The following RBM25 variants were observed in gnomAD, a reference collection of about 807,000 sequenced individuals.
RBM25 encodes the protein RNA-binding protein 25.
A neutral mutation model predicts 120.7 loss-of-function variants in RBM25; 19 were observed. The observed-to-expected ratio is 0.16, with a 90% CI of 0.11 to 0.23. The LOEUF (loss-of-function observed/expected upper bound fraction) is 0.23, where lower values mean the gene tolerates loss of function less well. RBM25 is among the 10% of genes least tolerant of loss of function. RBM25 has a pLI of 1.00. For missense variants in RBM25, 605 were observed against 1,041.5 expected, an observed-to-expected ratio of 0.58 and a Z score of 5.77; for synonymous variants, 390 against 326.7, an observed-to-expected ratio of 1.19 and a Z score of -2.09.
intron 2 of RBM25, among the ~76,000 whole-genome samples, chr14:73,072,994 A>AT (rs1230410983): frequency 6.6e-6 from 1 of 152,102 alleles, no homozygotes; most frequent in African/African-American, 2.4e-5. Flanking sequence ...TGGCACGATC[A>AT]TGGCTCACTG....
intron 4 of RBM25, among the ~76,000 whole-genome samples, chr14:73,079,687 C>T (rs1239610512): frequency 6.6e-6 from 1 of 150,586 alleles, no homozygotes; most frequent in Non-Finnish European, 1.5e-5. Flanking sequence ...GATTCTTGTT[C>T]CTCAACTATT....
chr14:73,068,004 C>T (rs1162810073), intron 1 of RBM25: 1 of 304,148 alleles, frequency 3.3e-6, no homozygotes, highest in Non-Finnish European at 6.3e-6. Flanking sequence ...TCTGAGTTGA[C>T]TGCCAGTTTC....
rs1297968663 is a variant in RBM25, at chr14:73,103,351, C to T, written c.1027C>T (p.Arg343Trp). Residue 343 changes from arginine to tryptophan, a missense_variant, in exon 10 of 19, where the codon CGG becomes TGG. Around this residue, in one of 4 missense-constraint regions of RBM25, gnomAD observed 465 missense variants for 741.6 expected, o/e 0.63. Transcript: ENST00000261973. ...ACGAGAAAAGGAGAAAGAACGGGAG[C>T]GGGAACGAGAACGGGATAGGGACCG... ...REREKEKERE[R>W]ERERDRDRDR... 3 of 1,600,790 alleles carry T rather than the reference C, an allele frequency of 1.9e-6. No individual in the cohort carries two copies. Among genetic ancestry groups the T allele is most frequent in the South Asian group, 1.1e-5 (1 of 89,364 alleles).
intron 6 of RBM25, among the ~76,000 whole-genome samples, chr14:73,089,138 T>G (rs1454227341): frequency 6.6e-6 from 1 of 151,916 alleles, no homozygotes; most frequent in Non-Finnish European, 1.5e-5. Flanking sequence ...TGAAACTCTG[T>G]CTCCCTGCTG....
chr14:73,096,696 G>A (rs558770597), intron 6 of RBM25, among the ~76,000 whole-genome samples: 1 of 151,992 alleles, frequency 6.6e-6, no homozygotes, highest in East Asian at 1.9e-4. Flanking sequence ...GAATTTTTTA[G>A]CTATTAAGAA....
At chr14:73,118,224 C>A (rs1896474506) in intron 18 of RBM25, among the ~76,000 whole-genome samples, 1 of 152,154 alleles carries the variant, frequency 6.6e-6, no homozygotes, top group Admixed American at 6.5e-5. Flanking sequence ...ACCTGTAATC[C>A]CAGCACTTTG....
chr14:73,114,277 C>T lies in RBM25; in HGVS notation c.2392-9C>T. On this transcript the variant is annotated splice_polypyrimidine_tract_variant and intron_variant, in intron 17 of 18. Transcript: ENST00000261973. ...TATTTTTAATGTGACAATTATTTTTCTCTTTTAGGTTATGGCTCATAGTTC... is the reference window on the plus strand; with the variant it reads ...TATTTTTAATGTGACAATTATTTTTTTCTTTTAGGTTATGGCTCATAGTTC... 1 of 1,517,570 alleles carries T rather than the reference C, an allele frequency of 6.6e-7. No individual in the cohort carries two copies. Among genetic ancestry groups the T allele is most frequent in the Non-Finnish European group, 8.8e-7 (1 of 1,130,564 alleles). 94.0% of individuals were successfully genotyped at this position (1,517,570 alleles called of 1,614,324 possible). A position where few individuals can be genotyped will look rare whatever the true frequency, so the allele number is the denominator to read the frequency against.
intron 18 of RBM25, among the ~76,000 whole-genome samples, chr14:73,115,978 C>G (rs1305205794): frequency 6.6e-6 from 1 of 152,028 alleles, no homozygotes; most frequent in Non-Finnish European, 1.5e-5. Context: ...GTTGCCAGAG[C>G]ACTCATTTAA....
intron 2 of RBM25, 151 bp downstream of exon 2, chr14:73,071,898 G>A: frequency 1.7e-6 from 1 of 605,416 alleles, no homozygotes; most frequent in Non-Finnish European, 2.8e-6. Context: ...TCCTATAGCA[G>A]TAGCTTTTAT....
In RBM25 at chr14:73,071,651, C is replaced by T. The variant is rs200962549; in HGVS notation, c.10C>T (p.Pro4Ser). MSFPPHLNRPPMGI... is the reference protein window; with the variant it reads MSFSPHLNRPPMGI... ...GACTGCTGCAGTAAGAATGTCTTTT[C>T]CACCTCATTTGAATCGCCCTCCCAT... The change falls in exon 2 of 19, where the codon CCA (proline) becomes TCA (serine). Residue 4 changes from proline (P) to serine (S), a missense_variant. Around this residue, in one of 4 missense-constraint regions of RBM25, gnomAD observed 90 missense variants for 107.3 expected, o/e 0.84. Coordinates refer to ENST00000261973, the MANE Select transcript of RBM25 (RefSeq NM_021239.3). The T allele has an allele frequency of 6.2e-7, 1 of 1,612,878 alleles. No individual in the cohort carries two copies. The highest frequency in any genetic ancestry group is 8.5e-7 in the Non-Finnish European group (1 of 1,179,026).
At chr14:73,103,935 C>A in intron 10 of RBM25, among the ~76,000 whole-genome samples, 1 of 47,282 alleles carries the variant, frequency 2.1e-5, no homozygotes, top group Non-Finnish European at 4.2e-5. Flanking sequence ...CTCTCTCTCT[C>A]TCTCTCTCTC....
In RBM25 at chr14:73,103,328, G is replaced by A. The variant is rs1161559478; in HGVS notation, c.1004G>A (p.Arg335Gln). The A allele has an allele frequency of 3.8e-6, 6 of 1,588,200 alleles. No individual in the cohort carries two copies. Among genetic ancestry groups the A allele is most frequent in the African/African-American group, 1.3e-5 (1 of 74,418 alleles). The change falls in exon 10 of 19, where the codon CGA becomes CAA. Residue 335 changes from arginine to glutamine, a missense_variant. Coordinates refer to ENST00000261973, the MANE Select transcript of RBM25 (RefSeq NM_021239.3). ...REREREREREREKEKERERER... is the reference protein window; with the variant it reads ...REREREREREQEKEKERERER... ...CGAGAAAGGGAAAGAGAACGTGAAC[G>A]AGAAAAGGAGAAAGAACGGGAGCGG...
At chr14:73,077,034 T>TTA (rs1456327472) in intron 3 of RBM25, among the ~76,000 whole-genome samples, 2 of 152,238 alleles carry the variant, frequency 1.3e-5, no homozygotes, top group East Asian at 3.8e-4. Context: ...TGAGCCGAGA[T>TTA]TATGCCACTG....
rs1895085972 is a variant in RBM25, at chr14:73,064,731, C to G, written c.-16+6026C>G. On this transcript the variant is annotated intron_variant, in intron 1 of 18. Transcript: ENST00000261973. The stretch of plus-strand genomic sequence containing the variant: ...TTAAAGGAATATCCATAAAAATTAG[C>G]TGTTAACTGGTATTTTTGCCTTCAC... 2.0e-5 allele frequency among the ~76,000 whole-genome samples: 3 copies of G among 151,148 alleles called. 1 individual carries two copies. The Admixed American group carries it at 2.0e-4, about 10-fold the overall frequency.
At chr14:73,103,502 T>G in intron 10 of RBM25, 24 bp downstream of exon 10, 1 of 1,544,274 alleles carries the variant, frequency 6.5e-7, no homozygotes, top group African/African-American at 1.4e-5. Flanking sequence ...GAAGTTACTG[T>G]TTCCTGATAG....
At chr14:73,085,536 C>T (rs1895665298) in intron 5 of RBM25, among the ~76,000 whole-genome samples, 1 of 150,842 alleles carries the variant, frequency 6.6e-6, no homozygotes, top group Non-Finnish European at 1.5e-5. Context: ...CCTCCGCCTC[C>T]TGGGTTCAAG....
rs372884283 is a variant in RBM25 at position 73,107,808 on chromosome 14, G to T, written c.1468-18G>T. On this transcript the variant is annotated intron_variant, in intron 12 of 18. Transcript: ENST00000261973. Reference sequence around the variant, plus strand: ...TACTTGTATGTTAATTTTATACATTGTCCTTATTTCCTCAAAGGCCAAAGA... The same window carrying T: ...TACTTGTATGTTAATTTTATACATTTTCCTTATTTCCTCAAAGGCCAAAGA... 3 of 1,529,728 alleles carry T rather than the reference G, an allele frequency of 2.0e-6. No individual in the cohort carries two copies. Among genetic ancestry groups the T allele is most frequent in the African/African-American group, 1.4e-5 (1 of 72,434 alleles). 94.8% of individuals were successfully genotyped at this position (1,529,728 alleles called of 1,614,324 possible).
At chr14:73,061,178 C>T (rs1386623869) in intron 1 of RBM25, among the ~76,000 whole-genome samples, 6 of 150,938 alleles carry the variant, frequency 4.0e-5, no homozygotes, top group Admixed American at 4.0e-4. Flanking sequence ...TTGCCTCATC[C>T]TCCATAGAAG....
intron 13 of RBM25, among the ~76,000 whole-genome samples, chr14:73,108,639 A>T (rs1240153054): frequency 6.6e-6 from 1 of 152,190 alleles, no homozygotes. Context: ...GTGTCTTGAT[A>T]CTATTTTATC....
Sources: gnomAD v4.1 joint callset for allele counts (sites outside exome capture counted in the v4.1 genomes callset) on GRCh38, gnomAD v4.1.1 for gene constraint, gnomAD v4.1.1 regional missense constraint, MANE v1.5 for transcripts, NCBI Gene and HGNC (gene_info 2026-07-23, HGNC 2026-07-21) for gene names.